Variants in GABBR2 observed in about 807,000 individuals in gnomAD.
GABBR2 encodes G-protein coupled receptor 51.
GABBR2 carries 23 observed loss-of-function variants against 105.6 expected under a neutral mutation model. That is an observed-to-expected ratio of 0.22 (90% confidence interval 0.16 to 0.31). The LOEUF (loss-of-function observed/expected upper bound fraction) is 0.31. GABBR2 is among the 10% of genes least tolerant of loss of function. The probability of loss-of-function intolerance (pLI) is 1.00; values close to 1 mark genes in which losing one functional copy is unlikely to be tolerated. For missense variants in GABBR2, 734 were observed against 1,245.5 expected (o/e 0.59, Z 6.18); for synonymous variants, 478 against 499.7 (o/e 0.96, Z 0.58).
chr9:98,341,737 C>T (rs781063486), intron 13 of GABBR2, among the ~76,000 whole-genome samples: 1 of 152,188 alleles, frequency 6.6e-6, no homozygotes, highest in Non-Finnish European at 1.5e-5. Context: ...CTCGGGGACA[C>T]AAACTGAACA....
chr9:98,434,417 C>G (rs181070382), intron 7 of GABBR2, among the ~76,000 whole-genome samples: 2 of 152,150 alleles, frequency 1.3e-5, no homozygotes, highest in Non-Finnish European at 2.9e-5. Flanking sequence ...AGCTCTGGGC[C>G]AGTCAGTGGT....
At chr9:98,316,787 G>A (rs747124647) in intron 13 of GABBR2, among the ~76,000 whole-genome samples, 5 of 152,182 alleles carry the variant, frequency 3.3e-5, no homozygotes, top group Non-Finnish European at 5.9e-5. Context: ...TCATCTTGTT[G>A]AAGTCACAAA....
chr9:98,578,730 T>C (rs1481993661), intron 1 of GABBR2, among the ~76,000 whole-genome samples: 3 of 152,142 alleles, frequency 2.0e-5, no homozygotes, highest in Non-Finnish European at 4.4e-5. Flanking sequence ...AACAGGTGAA[T>C]GGATAATGGA....
At chr9:98,700,444 T>C (rs1435867011) in intron 1 of GABBR2, among the ~76,000 whole-genome samples, 1 of 152,202 alleles carries the variant, frequency 6.6e-6, no homozygotes, top group East Asian at 1.9e-4. Flanking sequence ...GCCTGGCTCA[T>C]TGGGTCTGAT....
intron 1 of GABBR2, among the ~76,000 whole-genome samples, chr9:98,638,538 G>A (rs1178723008): frequency 6.6e-6 from 1 of 152,160 alleles, no homozygotes; most frequent in Admixed American, 6.5e-5. Context: ...GAAAGAGCCA[G>A]TGCCTTTATA....
intron 7 of GABBR2, among the ~76,000 whole-genome samples, chr9:98,446,231 ACT>A (rs1275104521): frequency 6.6e-6 from 1 of 151,588 alleles, no homozygotes; most frequent in Non-Finnish European, 1.5e-5. Flanking sequence ...ACCCACACAA[ACT>A]CTGCTCTTTG....
chr9:98,399,087 G>A (rs1832344153), intron 8 of GABBR2, among the ~76,000 whole-genome samples: 1 of 152,094 alleles, frequency 6.6e-6, no homozygotes, highest in Non-Finnish European at 1.5e-5. Flanking sequence ...CGGGTGTAGT[G>A]GCTCATGCCT....
At chr9:98,315,058 T>G (rs1325300572) in intron 13 of GABBR2, among the ~76,000 whole-genome samples, 1 of 152,232 alleles carries the variant, frequency 6.6e-6, no homozygotes, top group African/African-American at 2.4e-5. Flanking sequence ...CCCCCTGTGC[T>G]GCTGACATTC....
intron 3 of GABBR2, among the ~76,000 whole-genome samples, chr9:98,527,280 C>T (rs1287807401): frequency 6.6e-6 from 1 of 151,914 alleles, no homozygotes; most frequent in Non-Finnish European, 1.5e-5. Flanking sequence ...CCCAAAGTCA[C>T]CCAGCTGGCA....
At chr9:98,476,327 T>C in intron 5 of GABBR2, among the ~76,000 whole-genome samples, 1 of 152,210 alleles carries the variant, frequency 6.6e-6, no homozygotes, top group East Asian at 1.9e-4. Flanking sequence ...TGATAATACA[T>C]TTTATTTAGA....
In GABBR2 at chr9:98,413,026, A is replaced by G. The variant is rs190451535; in HGVS notation, c.1237-6885T>C. ...GTCTTCATTCTGAAGGCTCCCATGT[A>G]TATATATTAAATACATGTGAATGCC... On this transcript the variant is annotated intron_variant, in intron 7 of 18. Coordinates refer to ENST00000259455, the MANE Select transcript of GABBR2 (RefSeq NM_005458.8). Among the ~76,000 whole-genome samples the G allele has an allele frequency of 1.3e-3, 196 of 152,320 alleles. 1 individual carries two copies. The highest frequency in any genetic ancestry group is 6.8e-4 in the Non-Finnish European group (46 of 68,028).
intron 13 of GABBR2, among the ~76,000 whole-genome samples, chr9:98,343,248 T>C (rs904450625): frequency 2.0e-5 from 3 of 151,606 alleles, no homozygotes; most frequent in African/African-American, 4.8e-5. Flanking sequence ...ATTCCTGACA[T>C]AGGTTGCTTG....
intron 7 of GABBR2, among the ~76,000 whole-genome samples, chr9:98,408,182 T>C (rs1372772948): frequency 6.6e-6 from 1 of 152,192 alleles, no homozygotes; most frequent in African/African-American, 2.4e-5. Context: ...GTTTCAACTC[T>C]CAGGTGATTT....
At chr9:98,673,405 A>G (rs1340638955) in intron 1 of GABBR2, among the ~76,000 whole-genome samples, 1 of 152,206 alleles carries the variant, frequency 6.6e-6, no homozygotes. Context: ...GAGGACTGAG[A>G]TGAAGATCTT....
chr9:98,562,958 T>C (rs1588229768), intron 2 of GABBR2, among the ~76,000 whole-genome samples: 1 of 148,876 alleles, frequency 6.7e-6, no homozygotes, highest in East Asian at 2.0e-4. Flanking sequence ...TAATCCCAGC[T>C]ACTTGGGGGG....
At chr9:98,324,570 C>A (rs1830887307) in intron 13 of GABBR2, among the ~76,000 whole-genome samples, 1 of 150,996 alleles carries the variant, frequency 6.6e-6, no homozygotes, top group South Asian at 2.1e-4. Flanking sequence ...ACAATATACT[C>A]ATTTCATTTT....
At chr9:98,497,129 C>T (rs1827296201) in intron 3 of GABBR2, among the ~76,000 whole-genome samples, 1 of 152,120 alleles carries the variant, frequency 6.6e-6, no homozygotes, top group Non-Finnish European at 1.5e-5. Flanking sequence ...TAGGGCTGGG[C>T]GTGGGCTCAC....
chr9:98,644,730 G>A (rs1270389566), intron 1 of GABBR2, among the ~76,000 whole-genome samples: 8 of 152,160 alleles, frequency 5.3e-5, no homozygotes, highest in African/African-American at 1.7e-4. Context: ...TACTCAGGAG[G>A]CTGAGGCAGG....
intron 7 of GABBR2, among the ~76,000 whole-genome samples, chr9:98,420,270 G>A (rs114568336): frequency 1.3e-5 from 2 of 152,116 alleles, no homozygotes; most frequent in Admixed American, 6.5e-5. Context: ...GAGCCCCTCC[G>A]TTGTCCCATG....
Sources: allele counts gnomAD v4.1 joint callset (sites outside exome capture counted in the v4.1 genomes callset), GRCh38; gene constraint gnomAD v4.1.1; transcripts MANE v1.5; gene names NCBI Gene and HGNC (gene_info 2026-07-23, HGNC 2026-07-21).